The following PXDN variants were observed in gnomAD, a reference collection of about 807,000 sequenced individuals.
The protein encoded by PXDN is peroxidasin.
In PXDN, 77 loss-of-function variants were observed where a neutral mutation model predicts 140.3. That is an observed-to-expected ratio of 0.55 (90% confidence interval 0.46 to 0.66). PXDN has a LOEUF of 0.66. PXDN is among the 30% of genes least tolerant of loss of function. The pLI, the probability that PXDN is intolerant of heterozygous loss-of-function variation, is 0.00. For synonymous variants in PXDN, 911 were observed against 857.4 expected (o/e 1.06, Z -1.09); for missense variants, 1,838 against 2,039.5 (o/e 0.90, Z 1.90).
chr2:1,639,168 C>A lies in PXDN; in HGVS notation c.4073+134G>T. On this transcript the variant is annotated intron_variant, in intron 20 of 22. Transcript: ENST00000252804. The surrounding 1 kb of genome is among the most constrained non-coding windows in gnomAD (Gnocchi z 5.0). ...CAGCAGGACGCAGGCTGCGGCCTGGCCCCCAGTGCCCTGGGACGTCCCTGC... is the reference window on the plus strand; with the variant it reads ...CAGCAGGACGCAGGCTGCGGCCTGGACCCCAGTGCCCTGGGACGTCCCTGC... 1 of 1,479,486 alleles carries A rather than the reference C, an allele frequency of 6.8e-7. No individual in the cohort carries two copies. The highest frequency in any genetic ancestry group is 9.1e-7 in the Non-Finnish European group (1 of 1,097,884). The allele number at this position is 1,479,486 out of a possible 1,614,324, so 91.6% of individuals were successfully genotyped here.
intron 1 of PXDN, among the ~76,000 whole-genome samples, chr2:1,734,393 T>C (rs1008783581): frequency 2.0e-5 from 3 of 152,222 alleles, no homozygotes; most frequent in African/African-American, 7.2e-5. Flanking sequence ...TGCTTTTATG[T>C]TGCTGGCTGC....
chr2:1,664,795 T>G (rs1572140285), intron 11 of PXDN, 163 bp downstream of exon 11: 3 of 613,108 alleles, frequency 4.9e-6, no homozygotes, highest in East Asian at 5.6e-5. Flanking sequence ...CCGCGGGGGA[T>G]GTGCAGACAC....
At chr2:1,674,058 C>A (rs142486527) in intron 8 of PXDN, among the ~76,000 whole-genome samples, 2 of 152,324 alleles carry the variant, frequency 1.3e-5, no homozygotes, top group East Asian at 3.9e-4. Flanking sequence ...AATCTATCTA[C>A]ATGTTTTAAA....
intron 1 of PXDN, among the ~76,000 whole-genome samples, chr2:1,708,870 C>G (rs954348087): frequency 2.6e-5 from 4 of 152,198 alleles, no homozygotes; most frequent in African/African-American, 9.6e-5. Context: ...AACCTCTCTA[C>G]GTGTACAGGT....
At position 1,728,382 on chromosome 2, in the gene PXDN, C is replaced by G. The variant is rs749986505; in HGVS notation, c.200+15874G>C. Among the ~76,000 whole-genome samples the G allele has an allele frequency of 8.9e-4, 136 of 152,222 alleles. 1 individual carries two copies. Among genetic ancestry groups the G allele is most frequent in the Admixed American group, 2.6e-3 (40 of 15,286 alleles). Reference sequence around the variant, plus strand: ...GAGCCTCTCTCTAGGAGCTACCAGCCGGAGAATACAGTCCCTCCGCATTAT... The same window carrying G: ...GAGCCTCTCTCTAGGAGCTACCAGCGGGAGAATACAGTCCCTCCGCATTAT... On this transcript the variant is annotated intron_variant, in intron 1 of 22. Coordinates refer to ENST00000252804, the MANE Select transcript of PXDN (RefSeq NM_012293.3).
At chr2:1,679,591 G>A (rs554658328) in intron 7 of PXDN, among the ~76,000 whole-genome samples, 6 of 137,130 alleles carry the variant, frequency 4.4e-5, no homozygotes, top group African/African-American at 1.6e-4. Flanking sequence ...TGGTGTGTGC[G>A]TGTATGTGCG....
chr2:1,727,593 C>T lies in PXDN; in HGVS notation c.200+16663G>A, dbSNP rs1685218596. ...TGCTGCCAGCTCCACCACGCAGGTG[C>T]ATTTTTCCTCAGCCCTCAGTTAGGC... On this transcript the variant is annotated intron_variant, in intron 1 of 22. Transcript: ENST00000252804. Among the ~76,000 whole-genome samples the T allele has an allele frequency of 2.0e-5, 3 of 152,154 alleles. No individual in the cohort carries two copies. In the South Asian group the frequency reaches 6.2e-4, roughly 32 times the overall value.
intron 1 of PXDN, among the ~76,000 whole-genome samples, chr2:1,716,060 G>C (rs899064867): frequency 6.6e-6 from 1 of 152,228 alleles, no homozygotes; most frequent in Non-Finnish European, 1.5e-5. Flanking sequence ...GCCTGGGGTA[G>C]AGTCCACCTG....
chr2:1,673,993 C>T (rs1270386463), intron 8 of PXDN, among the ~76,000 whole-genome samples, 181 bp from the exon 9 acceptor site: 1 of 152,148 alleles, frequency 6.6e-6, no homozygotes, highest in East Asian at 1.9e-4. Flanking sequence ...AAAAGGGGAC[C>T]GTGTATTTGC....
intron 1 of PXDN, among the ~76,000 whole-genome samples, chr2:1,743,662 GGAAGGGAGGAGGAGGA>G: frequency 7.6e-6 from 1 of 131,030 alleles, no homozygotes; most frequent in Non-Finnish European, 1.6e-5. Flanking sequence ...GAGGAGGAGG[GGAAGGGAGGAGGAGGA>G]GGAAGGGGAG....
intron 17 of PXDN, among the ~76,000 whole-genome samples, chr2:1,645,034 C>T (rs1439599499): frequency 6.6e-6 from 1 of 152,102 alleles, no homozygotes; most frequent in Non-Finnish European, 1.5e-5. Context: ...TTAAGCCACA[C>T]CTTTTCCAAC....
Position 1,639,595 on chromosome 2 carries a change from AG to A in PXDN, c.3953-174del, listed in dbSNP as rs952452011. 9.4e-4 allele frequency among the ~76,000 whole-genome samples: 143 copies of A among 152,236 alleles called. No individual in the cohort carries two copies. The highest frequency in any genetic ancestry group is 3.3e-3 in the African/African-American group (138 of 41,548). On this transcript the variant is annotated intron_variant, in intron 19 of 22. Transcript: ENST00000252804. The surrounding 1 kb of genome is among the most constrained non-coding windows in gnomAD (Gnocchi z 5.0). ...GCGGCTCTTACCCTCTCCTGGTCTG[AG>A]GGGCCAAGCCTCTCTCCACCTGTGC...
At chr2:1,711,254 T>C (rs1377948709) in intron 1 of PXDN, among the ~76,000 whole-genome samples, 2 of 67,780 alleles carry the variant, frequency 3.0e-5, no homozygotes, top group African/African-American at 1.4e-4. Context: ...GCATCCACTC[T>C]ACCAGCACCC....
chr2:1,731,533 G>A (rs183235386), intron 1 of PXDN, among the ~76,000 whole-genome samples: 5 of 152,284 alleles, frequency 3.3e-5, no homozygotes, highest in Admixed American at 6.5e-5. Context: ...AGCTTCAGGC[G>A]GGGCACAGCT....
intron 1 of PXDN, among the ~76,000 whole-genome samples, chr2:1,736,315 A>G (rs1319089783): frequency 6.6e-6 from 1 of 152,170 alleles, no homozygotes; most frequent in African/African-American, 2.4e-5. Context: ...TCTTCCTTTC[A>G]CTAGTACACT....
intron 1 of PXDN, among the ~76,000 whole-genome samples, chr2:1,715,480 T>C (rs577466700): frequency 6.6e-6 from 1 of 152,312 alleles, no homozygotes; most frequent in African/African-American, 2.4e-5. Context: ...TGAGAAACTG[T>C]AAACGCCTTC....
chr2:1,726,172 C>T (rs554080388), intron 1 of PXDN, among the ~76,000 whole-genome samples: 33 of 152,040 alleles, frequency 2.2e-4, no homozygotes, highest in African/African-American at 6.0e-4. Flanking sequence ...AGTCTTGGAA[C>T]CAACCCAAAT....
In PXDN at chr2:1,661,041, G is replaced by A. The variant is rs1398901939; in HGVS notation, c.1681-4C>T. On this transcript the variant is annotated splice_polypyrimidine_tract_variant and splice_region_variant and intron_variant, in intron 13 of 22. Transcript: ENST00000252804. ...TTTCTGTCACCTGAACCCCATCCTGGAGCAAAACAGAATGAAAACAGTATT... is the reference window on the plus strand; with the variant it reads ...TTTCTGTCACCTGAACCCCATCCTGAAGCAAAACAGAATGAAAACAGTATT... 5 of 1,613,872 alleles carry A rather than the reference G, an allele frequency of 3.1e-6. No individual in the cohort carries two copies. Among genetic ancestry groups the A allele is most frequent in the Non-Finnish European group, 4.2e-6 (5 of 1,179,808 alleles).
At chr2:1,735,955 C>T (rs910007500) in intron 1 of PXDN, among the ~76,000 whole-genome samples, 1 of 152,236 alleles carries the variant, frequency 6.6e-6, no homozygotes, top group Non-Finnish European at 1.5e-5. Flanking sequence ...GAACTTGCTG[C>T]AGCTTCTCCA....
Sources: allele counts gnomAD v4.1 joint callset (sites outside exome capture counted in the v4.1 genomes callset), GRCh38; gene constraint gnomAD v4.1.1; non-coding constraint Gnocchi (gnomAD v3.1); transcripts MANE v1.5; gene names NCBI Gene and HGNC (gene_info 2026-07-23, HGNC 2026-07-21).